The following PIEZO2 variants were observed in gnomAD, a reference collection of about 807,000 sequenced individuals.
PIEZO2 encodes piezo type mechanosensitive ion channel component 2.
PIEZO2 carries 172 observed loss-of-function variants against 337.3 expected under a neutral mutation model. The observed-to-expected ratio is 0.51, with a 90% CI of 0.45 to 0.58. The LOEUF is 0.58. Among genes scored for constraint, PIEZO2 ranks in the 20% least tolerant of loss-of-function variants. The probability of loss-of-function intolerance (pLI) is 0.00; values close to 1 mark genes in which losing one functional copy is unlikely to be tolerated. For synonymous variants in PIEZO2, 1,251 were observed against 1,228.5 expected (o/e 1.02, Z -0.38); for missense variants, 3,028 against 3,391.3 (o/e 0.89, Z 2.66).
intron 4 of PIEZO2, among the ~76,000 whole-genome samples, chr18:10,902,388 C>T (rs1286467141): frequency 6.6e-6 from 1 of 152,172 alleles, no homozygotes; most frequent in Non-Finnish European, 1.5e-5. Context: ...TAGATTTTGT[C>T]ATCTGAGAAA....
rs879623215 is a variant in PIEZO2 at position 11,070,975 on chromosome 18, G to C, written c.65-4753C>G. Among the ~76,000 whole-genome samples the C allele has an allele frequency of 6.6e-6, 1 of 152,172 alleles. No individual in the cohort carries two copies. Among genetic ancestry groups the C allele is most frequent in the Non-Finnish European group, 1.5e-5 (1 of 68,046 alleles). On this transcript the variant is annotated intron_variant, in intron 1 of 55. Coordinates refer to ENST00000674853, the MANE Select transcript of PIEZO2 (RefSeq NM_001378183.1). This position sits in a 1 kb window ranked among gnomAD's most constrained non-coding sequence, Gnocchi z 4.3. ...GGAGCATAGCACACTCCAGCCAAGGGTCTGCATTAGAACCCGTGGTGCCTG... is the reference window on the plus strand; with the variant it reads ...GGAGCATAGCACACTCCAGCCAAGGCTCTGCATTAGAACCCGTGGTGCCTG...
chr18:10,926,686 C>A (rs1227743614), intron 3 of PIEZO2, among the ~76,000 whole-genome samples: 1 of 152,118 alleles, frequency 6.6e-6, no homozygotes, highest in Non-Finnish European at 1.5e-5. Flanking sequence ...ATATCATGTC[C>A]GGGCCATTTT....
intron 1 of PIEZO2, among the ~76,000 whole-genome samples, chr18:11,141,159 C>T (rs915037291): frequency 1.3e-5 from 2 of 152,196 alleles, no homozygotes; most frequent in Non-Finnish European, 2.9e-5. Context: ...GAAAACAGAA[C>T]TCAAGAAGAA....
chr18:10,978,122 A>T lies in PIEZO2; in HGVS notation c.286+1413T>A, dbSNP rs146442271. Among the ~76,000 whole-genome samples the T allele has an allele frequency of 9.0e-3, 1,371 of 152,282 alleles. 8 individuals carry two copies. The highest frequency in any genetic ancestry group is 0.015 in the Non-Finnish European group (994 of 68,014). Reference sequence around the variant, plus strand: ...CGGATCACGAGGTCAGGAGATCGAGACCATACTGGCTAACACGGTGAAACA... The same window carrying T: ...CGGATCACGAGGTCAGGAGATCGAGTCCATACTGGCTAACACGGTGAAACA... On this transcript the variant is annotated intron_variant, in intron 3 of 55. Transcript: ENST00000674853.
Position 11,066,066 on chromosome 18 carries a change from GC to G in PIEZO2, c.160+60del, listed in dbSNP as rs1394743806. ...CATTAGATAAAGGCCATCCCAAGGA[GC>G]CCAGCAAAATACATTCAGACTGTAT... is the stretch of plus-strand genomic sequence containing the variant. On this transcript the variant is annotated intron_variant, in intron 2 of 55. Transcript: ENST00000674853. The G allele has an allele frequency of 4.4e-6, 6 of 1,361,982 alleles. No individual in the cohort carries two copies. The African/African-American group carries it at 8.7e-5, about 20-fold the overall frequency. The allele number at this position is 1,361,982 out of a possible 1,614,324, so 84.4% of individuals were successfully genotyped here. A position where few individuals can be genotyped will look rare whatever the true frequency, so the allele number is the denominator to read the frequency against.
At position 10,888,903 on chromosome 18, in the gene PIEZO2, T is replaced by C. The variant is rs886787452; in HGVS notation, c.330-17488A>G. On this transcript the variant is annotated intron_variant, in intron 4 of 55. Coordinates refer to ENST00000674853, the MANE Select transcript of PIEZO2 (RefSeq NM_001378183.1). The surrounding 1 kb of genome is among the most constrained non-coding windows in gnomAD (Gnocchi z 4.1). ...AACACCTCCATGCAACCCCTCTCCC[T>C]CAACAACCCAGTTTTTCAGAAACCT... Among the ~76,000 whole-genome samples, 2 of 151,500 alleles carry C rather than the reference T, an allele frequency of 1.3e-5. No individual in the cohort carries two copies. Among genetic ancestry groups the C allele is most frequent in the Admixed American group, 1.3e-4 (2 of 15,102 alleles).
At chr18:10,804,503 G>A (rs1208045758) in intron 8 of PIEZO2, among the ~76,000 whole-genome samples, 3 of 152,210 alleles carry the variant, frequency 2.0e-5, no homozygotes. Context: ...AGGAATACGA[G>A]GAACAGAAGC....
intron 2 of PIEZO2, among the ~76,000 whole-genome samples, chr18:11,043,958 C>A (rs2145819714): frequency 6.6e-6 from 1 of 152,134 alleles, no homozygotes; most frequent in East Asian, 1.9e-4. Flanking sequence ...ACAGGTTGAG[C>A]CACCGTGTCT....
In PIEZO2 at chr18:10,855,590, A is replaced by T; in HGVS notation, c.704-24T>A. On this transcript the variant is annotated intron_variant, in intron 6 of 55. Coordinates refer to ENST00000674853, the MANE Select transcript of PIEZO2 (RefSeq NM_001378183.1). The surrounding 1 kb of genome is among the most constrained non-coding windows in gnomAD (Gnocchi z 4.9). ...GCCTAAGGAAGAGAAACGTAATCAC[A>T]AAGTCAGGTAGAACTGGAAATTCAC... 4.7e-6 allele frequency: 7 copies of T among 1,494,724 alleles called. No individual in the cohort carries two copies. The highest frequency in any genetic ancestry group is 6.3e-6 in the Non-Finnish European group (7 of 1,109,994). The allele number at this position is 1,494,724 out of a possible 1,614,324, so 92.6% of individuals were successfully genotyped here. A position where few individuals can be genotyped will look rare whatever the true frequency, so the allele number is the denominator to read the frequency against.
At chr18:10,867,758 T>G (rs2042043296) in intron 5 of PIEZO2, among the ~76,000 whole-genome samples, 1 of 152,228 alleles carries the variant, frequency 6.6e-6, no homozygotes. Context: ...ATTGTTTTAT[T>G]ATGTAAATAA....
At chr18:10,897,097 T>C (rs971555038) in intron 4 of PIEZO2, among the ~76,000 whole-genome samples, 1 of 152,150 alleles carries the variant, frequency 6.6e-6, no homozygotes, top group African/African-American at 2.4e-5. Flanking sequence ...GCTAATAGTG[T>C]TGTGGGAGGA....
At position 10,726,232 on chromosome 18, in the gene PIEZO2, G is replaced by A; in HGVS notation, c.5029+5175C>T. 2 of 724,652 alleles carry A rather than the reference G, an allele frequency of 2.8e-6. No homozygotes were observed. Among genetic ancestry groups the A allele is most frequent in the South Asian group, 3.0e-5 (2 of 66,086 alleles). The allele number at this position is 724,652 out of a possible 1,614,324, so 44.9% of individuals were successfully genotyped here. A position where few individuals can be genotyped will look rare whatever the true frequency, so the allele number is the denominator to read the frequency against. On this transcript the variant is annotated intron_variant, in intron 36 of 55. Coordinates refer to ENST00000674853, the MANE Select transcript of PIEZO2 (RefSeq NM_001378183.1). This position sits in a 1 kb window ranked among gnomAD's most constrained non-coding sequence, Gnocchi z 5.9. ...GAGGAGGGGCTTCACGCTGCCTGGGGCTGGAAGAGCTTGTGTGCGAGCCTG... is the reference window on the plus strand; with the variant it reads ...GAGGAGGGGCTTCACGCTGCCTGGGACTGGAAGAGCTTGTGTGCGAGCCTG...
rs888315332 is a variant in PIEZO2 at position 10,850,964 on chromosome 18, T to C, written c.917+4389A>G. Among the ~76,000 whole-genome samples, 1 of 152,142 alleles carries C rather than the reference T, an allele frequency of 6.6e-6. No homozygotes were observed. The highest frequency in any genetic ancestry group is 1.5e-5 in the Non-Finnish European group (1 of 68,032). ...CTCACCAGAGAGCACATTTGAAAGCTTTTTTACCAGAAGATAAAAATTGCT... is the reference window on the plus strand; with the variant it reads ...CTCACCAGAGAGCACATTTGAAAGCCTTTTTACCAGAAGATAAAAATTGCT... On this transcript the variant is annotated intron_variant, in intron 7 of 55. Transcript: ENST00000674853. This position sits in a 1 kb window ranked among gnomAD's most constrained non-coding sequence, Gnocchi z 4.5.
intron 12 of PIEZO2, among the ~76,000 whole-genome samples, chr18:10,796,480 T>A (rs2039603685): frequency 6.6e-6 from 1 of 152,220 alleles, no homozygotes; most frequent in Admixed American, 6.5e-5. Context: ...GTAGCCTATG[T>A]TAACCTTGAA....
chr18:10,777,631 A>T (rs1386555573), intron 18 of PIEZO2, among the ~76,000 whole-genome samples: 4 of 152,340 alleles, frequency 2.6e-5, no homozygotes, highest in Admixed American at 2.6e-4. Flanking sequence ...ACTACTTTCC[A>T]TTAAAGAAAA....
intron 2 of PIEZO2, among the ~76,000 whole-genome samples, chr18:11,019,522 TTA>T (rs958145780): frequency 1.3e-5 from 2 of 152,146 alleles, no homozygotes; most frequent in African/African-American, 4.8e-5. Context: ...TTTTCCCCCT[TTA>T]TGTTTGCACT....
chr18:10,994,910 T>G (rs2035252426), intron 2 of PIEZO2, among the ~76,000 whole-genome samples: 1 of 151,516 alleles, frequency 6.6e-6, no homozygotes, highest in Non-Finnish European at 1.5e-5. Flanking sequence ...GGTGAAACCC[T>G]GTCTCTACAA....
chr18:10,780,803 CA>C (rs1040090150), intron 17 of PIEZO2, among the ~76,000 whole-genome samples: 3 of 151,036 alleles, frequency 2.0e-5, no homozygotes, highest in African/African-American at 7.3e-5. Context: ...GCTGGGATTA[CA>C]GGTGTATGCC....
In PIEZO2 at chr18:11,148,553, C is replaced by A. The variant is rs1048530216; in HGVS notation, c.36G>T (p.Arg12Ser). ...ASEVVCGLIF[R>S]LLLPICLAVA... ...CTGCCAGGCAGATGGGCAGCAGCAG[C>A]CTGAAGATGAGCCCGCACACCACTT... is the stretch of plus-strand genomic sequence containing the variant. The change falls in exon 1 of 56, where the codon AGG becomes AGT. Residue 12 changes from arginine to serine, a missense_variant. Around this residue, in one of 5 missense-constraint regions of PIEZO2, gnomAD observed 542 missense variants for 605.6 expected, o/e 0.89. Transcript: ENST00000674853. The surrounding 1 kb of genome is among the most constrained non-coding windows in gnomAD (Gnocchi z 5.2). 8 of 1,537,212 alleles carry A rather than the reference C, an allele frequency of 5.2e-6. No individual in the cohort carries two copies. Among genetic ancestry groups the A allele is most frequent in the Admixed American group, 3.9e-5 (2 of 51,004 alleles).
Sources: allele counts gnomAD v4.1 joint callset (sites outside exome capture counted in the v4.1 genomes callset), GRCh38; gene constraint gnomAD v4.1.1; regional missense constraint gnomAD v4.1.1; non-coding constraint Gnocchi (gnomAD v3.1); transcripts MANE v1.5; gene names NCBI Gene and HGNC (gene_info 2026-07-23, HGNC 2026-07-21).